The following CHST8 variants were observed in gnomAD, a reference collection of about 807,000 sequenced individuals.
The protein encoded by CHST8 is GALNAC-4-ST1.
Under a neutral mutation model 15.0 loss-of-function variants are expected in CHST8, and 10 were observed. The ratio of observed to expected loss-of-function variants is 0.67; its 90% confidence interval spans 0.41 to 1.13. The LOEUF is 1.13. Ranked by LOEUF, CHST8 falls within the 50% of genes most tolerant of loss-of-function variation. CHST8 has a pLI of 0.00. For missense variants in CHST8, 634 were observed against 608.2 expected (o/e 1.04, Z -0.45); for synonymous variants, 259 against 256.6 (o/e 1.01, Z -0.09).
Position 33,685,310 on chromosome 19 carries a change from G to A in CHST8, c.-86-3866G>A, listed in dbSNP as rs557656160. ...AATAAGGAAATGGGAGGAATCCTTC[G>A]CCCTGCCCTGTGTCCCAGGAGGGGT... On this transcript the variant is annotated intron_variant, in intron 2 of 4. Coordinates refer to ENST00000650847, the MANE Select transcript of CHST8 (RefSeq NM_001127895.2). 5 of 151,856 alleles carry A rather than the reference G, an allele frequency of 3.3e-5. No homozygotes were observed. The South Asian group carries it at 6.3e-4, about 19-fold the overall frequency. 9.4% of individuals were successfully genotyped at this position (151,856 alleles called of 1,614,324 possible).
intron 3 of CHST8, among the ~76,000 whole-genome samples, chr19:33,729,030 G>A (rs1973950931): frequency 2.0e-5 from 3 of 152,210 alleles, no homozygotes; most frequent in Admixed American, 2.0e-4. Flanking sequence ...CTGGCACAGG[G>A]AGCTGCTCTG....
At chr19:33,639,776 A>G (rs1972254854) in intron 1 of CHST8, among the ~76,000 whole-genome samples, 1 of 152,054 alleles carries the variant, frequency 6.6e-6, no homozygotes, top group African/African-American at 2.4e-5. Context: ...TCTTAAGTGA[A>G]CAAAAACCTT....
At chr19:33,659,584 C>T (rs1366751311) in intron 1 of CHST8, among the ~76,000 whole-genome samples, 1 of 152,072 alleles carries the variant, frequency 6.6e-6, no homozygotes, top group Non-Finnish European at 1.5e-5. Flanking sequence ...CCTGTAATCC[C>T]TTTGGGAGGC....
chr19:33,723,332 C>T (rs1973836764), intron 3 of CHST8, among the ~76,000 whole-genome samples: 1 of 152,182 alleles, frequency 6.6e-6, no homozygotes, highest in Non-Finnish European at 1.5e-5. Context: ...GCACAGGCAC[C>T]TAGGAGCATA....
intron 2 of CHST8, among the ~76,000 whole-genome samples, chr19:33,683,509 C>T (rs973442173): frequency 6.6e-6 from 1 of 152,188 alleles, no homozygotes; most frequent in African/African-American, 2.4e-5. Context: ...TTCCTTGCCT[C>T]CTGTCATAGG....
chr19:33,749,219 C>T (rs1301629678), intron 3 of CHST8, among the ~76,000 whole-genome samples: 1 of 152,150 alleles, frequency 6.6e-6, no homozygotes, highest in Non-Finnish European at 1.5e-5. Flanking sequence ...TAGGAGAGCA[C>T]ACCCGGAGCC....
At chr19:33,657,350 C>T (rs1250694438) in intron 1 of CHST8, among the ~76,000 whole-genome samples, 1 of 151,372 alleles carries the variant, frequency 6.6e-6, no homozygotes, top group Non-Finnish European at 1.5e-5. Context: ...CTCACTGCAA[C>T]CTCCACCTCC....
At chr19:33,709,228 A>T (rs1973503329) in intron 3 of CHST8, among the ~76,000 whole-genome samples, 1 of 152,186 alleles carries the variant, frequency 6.6e-6, no homozygotes, top group Non-Finnish European at 1.5e-5. Context: ...TGCCTGATTC[A>T]ACTGACTAGA....
chr19:33,643,054 A>C (rs77388515), intron 1 of CHST8, among the ~76,000 whole-genome samples: 1 of 152,168 alleles, frequency 6.6e-6, no homozygotes, highest in Non-Finnish European at 1.5e-5. Context: ...GCATGTTGAC[A>C]TGAACCTTCT....
At chr19:33,740,221 A>C (rs149874496) in intron 3 of CHST8, among the ~76,000 whole-genome samples, 8 of 152,000 alleles carry the variant, frequency 5.3e-5, no homozygotes, top group Non-Finnish European at 1.0e-4. Flanking sequence ...AGGCTACATC[A>C]CTCGTGGGTT....
chr19:33,714,625 C>A (rs758063823), intron 3 of CHST8, among the ~76,000 whole-genome samples: 4 of 152,226 alleles, frequency 2.6e-5, no homozygotes, highest in Admixed American at 6.5e-5. Flanking sequence ...ATCCAAATCT[C>A]ATCTTGAATT....
chr19:33,691,410 AAC>A (rs2145260802), intron 3 of CHST8, among the ~76,000 whole-genome samples: 1 of 152,314 alleles, frequency 6.6e-6, no homozygotes, highest in African/African-American at 2.4e-5. Context: ...AATCACACCA[AAC>A]ACAGTCATAA....
At chr19:33,630,658 G>A (rs1008713615) in intron 1 of CHST8, among the ~76,000 whole-genome samples, 3 of 151,856 alleles carry the variant, frequency 2.0e-5, no homozygotes, top group Admixed American at 6.6e-5. Flanking sequence ...CGATGACGGA[G>A]CCAGCACGTG....
intron 2 of CHST8, among the ~76,000 whole-genome samples, chr19:33,675,893 G>T (rs754118582): frequency 3.3e-5 from 5 of 152,232 alleles, no homozygotes; most frequent in Non-Finnish European, 5.9e-5. Context: ...CAGGGGTCAC[G>T]TGCCTTTCCC....
chr19:33,735,297 C>G (rs924022613), intron 3 of CHST8, among the ~76,000 whole-genome samples: 3 of 152,350 alleles, frequency 2.0e-5, no homozygotes, highest in Non-Finnish European at 4.4e-5. Flanking sequence ...AAATGCCTCA[C>G]AGGCAGAGTT....
At chr19:33,655,400 T>C (rs1231775759) in intron 1 of CHST8, among the ~76,000 whole-genome samples, 1 of 152,206 alleles carries the variant, frequency 6.6e-6, no homozygotes, top group African/African-American at 2.4e-5. Flanking sequence ...GTCTGTGATT[T>C]TATTTTTGTT....
intron 3 of CHST8, among the ~76,000 whole-genome samples, chr19:33,766,552 A>T (rs1367141798): frequency 6.6e-6 from 1 of 152,058 alleles, no homozygotes; most frequent in Non-Finnish European, 1.5e-5. Flanking sequence ...CTTCTTCCTA[A>T]TGGGGGCATG....
intron 1 of CHST8, among the ~76,000 whole-genome samples, chr19:33,641,631 C>A: frequency 6.6e-6 from 1 of 152,030 alleles, no homozygotes; most frequent in East Asian, 1.9e-4. Context: ...GGAGAAGGAG[C>A]CTCAGATAGC....
At chr19:33,741,370 TA>T (rs1974189862) in intron 3 of CHST8, among the ~76,000 whole-genome samples, 1 of 152,220 alleles carries the variant, frequency 6.6e-6, no homozygotes, top group African/African-American at 2.4e-5. Flanking sequence ...AAAGAAGAGT[TA>T]AAATAACTTT....
Sources: gnomAD v4.1 joint callset for allele counts (sites outside exome capture counted in the v4.1 genomes callset) on GRCh38, gnomAD v4.1.1 for gene constraint, MANE v1.5 for transcripts, NCBI Gene and HGNC (gene_info 2026-07-23, HGNC 2026-07-21) for gene names.